MYT1L: variants seen among roughly 807,000 people sequenced by gnomAD.
The protein encoded by MYT1L is myelin transcription factor 1-like protein.
Under a neutral mutation model 126.7 loss-of-function variants are expected in MYT1L, and 12 were observed. The observed-to-expected ratio is 0.09, with a 90% CI of 0.06 to 0.15. The LOEUF (loss-of-function observed/expected upper bound fraction) is 0.15, where lower values mean the gene tolerates loss of function less well. Ranked by LOEUF, MYT1L falls within the 10% of genes least tolerant of loss-of-function variation. The pLI, the probability that MYT1L is intolerant of heterozygous loss-of-function variation, is 1.00. For missense variants in MYT1L, 979 were observed against 1,585.2 expected, an observed-to-expected ratio of 0.62 and a Z score of 6.49; for synonymous variants, 541 against 604.2, an observed-to-expected ratio of 0.90 and a Z score of 1.53.
At chr2:2,026,751 T>TCCTGAGTCAGCCAC (rs1404725900) in intron 4 of MYT1L, among the ~76,000 whole-genome samples, 2 of 151,980 alleles carry the variant, frequency 1.3e-5, no homozygotes, top group Non-Finnish European at 2.9e-5. Flanking sequence ...CTCAGAGGAC[T>TCCTGAGTCAGCCAC]CCTGAGTCAG....
intron 3 of MYT1L, among the ~76,000 whole-genome samples, chr2:2,115,047 C>T (rs779220565): frequency 6.6e-6 from 1 of 152,220 alleles, no homozygotes; most frequent in Non-Finnish European, 1.5e-5. Flanking sequence ...CTCCCCTCTG[C>T]CTGGCACGCA....
At chr2:1,988,894 A>G (rs1228530366) in intron 5 of MYT1L, among the ~76,000 whole-genome samples, 1 of 152,214 alleles carries the variant, frequency 6.6e-6, no homozygotes, top group Non-Finnish European at 1.5e-5. Flanking sequence ...TGGGTGTTGT[A>G]AGTTTTCCCA....
intron 8 of MYT1L, among the ~76,000 whole-genome samples, chr2:1,971,159 G>A (rs900353233): frequency 6.6e-6 from 1 of 152,144 alleles, no homozygotes; most frequent in Non-Finnish European, 1.5e-5. Flanking sequence ...CAGCCTGGGG[G>A]AACGGGGTGA....
intron 3 of MYT1L, among the ~76,000 whole-genome samples, chr2:2,080,365 G>T (rs115324480): frequency 2.5e-3 from 374 of 152,050 alleles, no homozygotes; most frequent in African/African-American, 8.6e-3. Context: ...TCTGACAAAG[G>T]CCACCATCAT....
chr2:1,846,645 C>T (rs1475335664), intron 19 of MYT1L, among the ~76,000 whole-genome samples: 1 of 152,172 alleles, frequency 6.6e-6, no homozygotes, highest in Non-Finnish European at 1.5e-5. Context: ...CTCGTGGCCC[C>T]CAGGCCAAAG....
chr2:1,976,251 G>A (rs1475402143), intron 8 of MYT1L, among the ~76,000 whole-genome samples: 1 of 152,116 alleles, frequency 6.6e-6, no homozygotes, highest in African/African-American at 2.4e-5. Flanking sequence ...CAGCATCACA[G>A]CTGTGTTCAC....
At chr2:1,810,609 A>G (rs2148006924) in intron 21 of MYT1L, among the ~76,000 whole-genome samples, 1 of 152,320 alleles carries the variant, frequency 6.6e-6, no homozygotes, top group South Asian at 2.1e-4. Context: ...TTACATCATT[A>G]TTAGAAATAT....
At chr2:2,167,265 C>G (rs2089302535) in intron 3 of MYT1L, among the ~76,000 whole-genome samples, 1 of 152,170 alleles carries the variant, frequency 6.6e-6, no homozygotes, top group Non-Finnish European at 1.5e-5. Flanking sequence ...TATATGTTTT[C>G]AAAGCTGTAC....
intron 3 of MYT1L, among the ~76,000 whole-genome samples, chr2:2,154,511 A>G (rs990239041): frequency 6.6e-6 from 1 of 152,252 alleles, no homozygotes; most frequent in Non-Finnish European, 1.5e-5. Context: ...AAAAAGAATG[A>G]GATCACGTTC....
At position 1,993,316 on chromosome 2, in the gene MYT1L, G is replaced by A. The variant is rs148696567; in HGVS notation, c.-1+3875C>T. ...TCCGCCAGGTGGGGATTGGGCAGCC[G>A]CTGCTGTCTCTCTTCCCACAGCCAA... is the stretch of plus-strand genomic sequence containing the variant. On this transcript the variant is annotated intron_variant, in intron 5 of 24. Coordinates refer to ENST00000647738, the MANE Select transcript of MYT1L (RefSeq NM_001303052.2). Among the ~76,000 whole-genome samples the A allele has an allele frequency of 6.8e-3, 1,035 of 152,254 alleles. 15 individuals carry two copies. Among genetic ancestry groups the A allele is most frequent in the African/African-American group, 0.023 (963 of 41,548 alleles).
intron 5 of MYT1L, among the ~76,000 whole-genome samples, chr2:1,989,816 G>A (rs917308509): frequency 2.0e-5 from 3 of 152,114 alleles, no homozygotes; most frequent in African/African-American, 7.2e-5. Flanking sequence ...GGCTAACATG[G>A]TGAAAACCCC....
At position 1,811,025 on chromosome 2, in the gene MYT1L, T is replaced by C. The variant is rs1400955495; in HGVS notation, c.3081-1858A>G. 2 of 152,154 alleles carry C rather than the reference T, an allele frequency of 1.3e-5. No individual in the cohort carries two copies. The highest frequency in any genetic ancestry group is 4.8e-5 in the African/African-American group (2 of 41,434). The allele number at this position is 152,154 out of a possible 1,614,324, so 9.4% of individuals were successfully genotyped here. A position where few individuals can be genotyped will look rare whatever the true frequency, so the allele number is the denominator to read the frequency against. On this transcript the variant is annotated intron_variant, in intron 21 of 24. Coordinates refer to ENST00000647738, the MANE Select transcript of MYT1L (RefSeq NM_001303052.2). The surrounding 1 kb of genome is among the most constrained non-coding windows in gnomAD (Gnocchi z 4.4). ...CCTCGTGATGGGATCCGTGCCCTTA[T>C]AACAGGGACCCAGACAGCTCCTTAA... is the stretch of plus-strand genomic sequence containing the variant.
chr2:2,312,100 G>C (rs938296359), intron 1 of MYT1L, among the ~76,000 whole-genome samples: 6 of 152,142 alleles, frequency 3.9e-5, no homozygotes, highest in Admixed American at 2.0e-4. Flanking sequence ...ACTGGGGTTT[G>C]GAAAGGGGAC....
At chr2:2,292,603 G>A (rs1293227836) in intron 1 of MYT1L, among the ~76,000 whole-genome samples, 1 of 152,122 alleles carries the variant, frequency 6.6e-6, no homozygotes, top group African/African-American at 2.4e-5. Flanking sequence ...GCCCTGCCGG[G>A]ACAGGTGCAC....
At chr2:1,843,292 C>G (rs1411327035) in intron 19 of MYT1L, among the ~76,000 whole-genome samples, 2 of 152,206 alleles carry the variant, frequency 1.3e-5, no homozygotes, top group Admixed American at 6.5e-5. Flanking sequence ...GGAGTGTAAA[C>G]CATGCGAGTG....
chr2:2,262,392 A>AC (rs2094991797), intron 2 of MYT1L, among the ~76,000 whole-genome samples: 1 of 151,410 alleles, frequency 6.6e-6, no homozygotes, highest in South Asian at 2.1e-4. Flanking sequence ...AACAACAACA[A>AC]AAAAAAACCA....
intron 4 of MYT1L, among the ~76,000 whole-genome samples, chr2:2,043,043 A>C (rs545317870): frequency 6.6e-6 from 1 of 152,286 alleles, no homozygotes; most frequent in East Asian, 1.9e-4. Flanking sequence ...TGTGAAGCTC[A>C]GTTCATCTAA....
chr2:1,965,652 C>T (rs2059294130), intron 8 of MYT1L, among the ~76,000 whole-genome samples: 1 of 152,220 alleles, frequency 6.6e-6, no homozygotes, highest in African/African-American at 2.4e-5. Flanking sequence ...GTAGGCCATC[C>T]CTCTGCCTTT....
intron 4 of MYT1L, among the ~76,000 whole-genome samples, chr2:2,021,022 T>C (rs575812398): frequency 2.9e-4 from 44 of 152,264 alleles, no homozygotes; most frequent in Non-Finnish European, 4.9e-4. Flanking sequence ...GGTCCCTCTC[T>C]GCTTAGTAAG....
Sources: gnomAD v4.1 joint callset for allele counts (sites outside exome capture counted in the v4.1 genomes callset) on GRCh38, gnomAD v4.1.1 for gene constraint, Gnocchi (gnomAD v3.1) non-coding constraint, MANE v1.5 for transcripts, NCBI Gene and HGNC (gene_info 2026-07-23, HGNC 2026-07-21) for gene names.